ZAP70: variants seen among roughly 807,000 people sequenced by gnomAD.
The protein encoded by ZAP70 is zeta chain of T cell receptor associated protein kinase 70.
Under a neutral mutation model 65.8 loss-of-function variants are expected in ZAP70, and 27 were observed. That is an observed-to-expected ratio of 0.41 (90% CI 0.30 to 0.57). The LOEUF is 0.57. ZAP70 is among the 20% of genes least tolerant of loss of function. The pLI, the probability that ZAP70 is intolerant of heterozygous loss-of-function variation, is 0.28. For missense variants in ZAP70, 696 were observed against 870.5 expected (o/e 0.80, Z 2.52); for synonymous variants, 363 against 360.8 (o/e 1.01, Z -0.07).
chr2:97,732,739 C>T (rs1677660361), intron 4 of ZAP70, 144 bp from the exon 5 acceptor site: 2 of 1,203,408 alleles, frequency 1.7e-6, no homozygotes, highest in Non-Finnish European at 2.3e-6. Context: ...GTGATGGGGG[C>T]CTGGCCTGGC....
intron 5 of ZAP70, 36 bp from the exon 6 acceptor site, chr2:97,733,089 A>G (rs202083569): frequency 6.9e-5 from 112 of 1,613,730 alleles, no homozygotes; most frequent in Non-Finnish European, 9.1e-5. Flanking sequence ...TCTGGGGAGG[A>G]GAGGAGCCTC....
chr2:97,729,716 C>T (rs56293187), intron 4 of ZAP70, among the ~76,000 whole-genome samples: 22,371 of 151,340 alleles, frequency 0.15, 2,157 homozygotes, highest in African/African-American at 0.27. Flanking sequence ...ACTGCCACTA[C>T]CTAGCATTTT....
chr2:97,733,709 C>T, intron 8 of ZAP70, 114 bp downstream of exon 8: 5 of 1,376,188 alleles, frequency 3.6e-6, no homozygotes, highest in South Asian at 1.2e-5. Flanking sequence ...CAGGCTGTGG[C>T]AGTTGGCTTG....
chr2:97,722,504 G>GA (rs2104656597), intron 2 of ZAP70, among the ~76,000 whole-genome samples: 1 of 152,312 alleles, frequency 6.6e-6, no homozygotes, highest in South Asian at 2.1e-4. Context: ...GCCTTATGGA[G>GA]AAAACATGTC....
At chr2:97,722,999 G>A (rs60433076) in intron 2 of ZAP70, among the ~76,000 whole-genome samples, 5,223 of 152,192 alleles carry the variant, frequency 0.034, 299 homozygotes, top group African/African-American at 0.12. Flanking sequence ...CTTAGTTTTC[G>A]GAAAATCAGA....
chr2:97,734,692 G>T lies in ZAP70; in HGVS notation c.1062G>T (p.Gln354His). Residue 354 changes from glutamine to histidine, a missense_variant, in exon 9 of 14, where the codon CAG becomes CAT. Physicochemically the swap from Gln to His is conservative, Grantham distance 24. Coordinates refer to ENST00000264972, the MANE Select transcript of ZAP70 (RefSeq NM_001079.4). The stretch of plus-strand genomic sequence containing the variant: ...GCGGCAACTTTGGCTCAGTGCGCCA[G>T]GGCGTGTACCGCATGCGCAAGTATG... ...LGCGNFGSVR[Q>H]GVYRMRKKQI... 2 of 1,614,028 alleles carry T rather than the reference G, an allele frequency of 1.2e-6. No homozygotes were observed. The highest frequency in any genetic ancestry group is 1.7e-6 in the Non-Finnish European group (2 of 1,180,022).
chr2:97,755,185 G>A, the ZAP70 span, among the ~76,000 whole-genome samples: 25 of 152,280 alleles, frequency 1.6e-4, no homozygotes, highest in South Asian at 6.2e-4. Context: ...CAACCGATGC[G>A]TTGTGGCGTA....
chr2:97,723,881 C>A, intron 2 of ZAP70, 135 bp from the exon 3 acceptor site: 1 of 962,538 alleles, frequency 1.0e-6, no homozygotes, highest in Non-Finnish European at 1.5e-6. Flanking sequence ...TGGCACAGAG[C>A]AGGCTCTGCC....
In ZAP70 at chr2:97,724,030, A is replaced by G; in HGVS notation, c.-7A>G. On this transcript the variant is annotated 5_prime_UTR_variant, in exon 3 of 14. Coordinates refer to ENST00000264972, the MANE Select transcript of ZAP70 (RefSeq NM_001079.4). ...TGAACCCGCAGGTTTCGGGAGGCCC[A>G]GGGGCGATGCCAGACCCCGCGGCGC... is the stretch of plus-strand genomic sequence containing the variant. 1 of 1,547,890 alleles carries G rather than the reference A, an allele frequency of 6.5e-7. No homozygotes were observed. The highest frequency in any genetic ancestry group is 8.7e-7 in the Non-Finnish European group (1 of 1,153,258).
In ZAP70 at chr2:97,737,435, T is replaced by G. The variant is rs756841049; in HGVS notation, c.1290-38T>G. 1 of 1,611,146 alleles carries G rather than the reference T, an allele frequency of 6.2e-7. No homozygotes were observed. On this transcript the variant is annotated intron_variant, in intron 10 of 13. Transcript: ENST00000264972. This position sits in a 1 kb window ranked among gnomAD's most constrained non-coding sequence, Gnocchi z 5.0. ...GCTTTGCCCCTGGGAACTTGGCTAG[T>G]CTTCTCCCAGCTGACCCCGCCTTCC...
At position 97,737,368 on chromosome 2, in the gene ZAP70, A is replaced by T; in HGVS notation, c.1290-105A>T. On this transcript the variant is annotated intron_variant, in intron 10 of 13. Transcript: ENST00000264972. The surrounding 1 kb of genome is among the most constrained non-coding windows in gnomAD (Gnocchi z 5.0). ...AGGTGCTCAATAAGCGTTTTTGAAC[A>T]CATGGTCACCTGGCTCATGCCCAGC... 1 of 1,256,194 alleles carries T rather than the reference A, an allele frequency of 8.0e-7. No homozygotes were observed. Among genetic ancestry groups the T allele is most frequent in the Non-Finnish European group, 1.1e-6 (1 of 869,680 alleles). The allele number at this position is 1,256,194 out of a possible 1,614,324, so 77.8% of individuals were successfully genotyped here. A position where few individuals can be genotyped will look rare whatever the true frequency, so the allele number is the denominator to read the frequency against.
chr2:97,731,755 T>C lies in ZAP70; in HGVS notation c.564-1128T>C, dbSNP rs1248447864. On this transcript the variant is annotated intron_variant, in intron 4 of 13. Transcript: ENST00000264972. This position sits in a 1 kb window ranked among gnomAD's most constrained non-coding sequence, Gnocchi z 4.0. ...TGTCAGTAAAGACTTGTCCAGTGAA[T>C]GAACATCCACAGGCAGGGCCAGGCC... Among the ~76,000 whole-genome samples the C allele has an allele frequency of 6.6e-6, 1 of 152,218 alleles. No individual in the cohort carries two copies.
chr2:97,734,025 G>A (rs554204596), intron 8 of ZAP70: 1 of 289,088 alleles, frequency 3.5e-6, no homozygotes, highest in East Asian at 8.3e-5. Context: ...ACCCACGATG[G>A]GCCCCAGAGC....
At chr2:97,754,290 T>C in the ZAP70 span, among the ~76,000 whole-genome samples, 1 of 152,130 alleles carries the variant, frequency 6.6e-6, no homozygotes, top group African/African-American at 2.4e-5. Context: ...AATTAGAACT[T>C]AAAAAAGGAG....
intron 3 of ZAP70, 70 bp downstream of exon 3, chr2:97,724,508 G>C: frequency 6.6e-7 from 1 of 1,510,134 alleles, no homozygotes; most frequent in South Asian, 1.2e-5. Flanking sequence ...GGGTTTTGGG[G>C]GGATAGGAGG....
Position 97,723,320 on chromosome 2 carries a change from G to C in ZAP70, c.-21-696G>C, listed in dbSNP as rs578243075. Among the ~76,000 whole-genome samples, 89 of 152,376 alleles carry C rather than the reference G, an allele frequency of 5.8e-4. 1 individual carries two copies. Among genetic ancestry groups the C allele is most frequent in the African/African-American group, 2.1e-3 (86 of 41,592 alleles). On this transcript the variant is annotated intron_variant, in intron 2 of 13. Transcript: ENST00000264972. Reference sequence around the variant, plus strand: ...CTAAGGCCGAGGGGAAAGGGTCAGCGGAAGGGACAAGGGAGGCTGAGGGGT... The same window carrying C: ...CTAAGGCCGAGGGGAAAGGGTCAGCCGAAGGGACAAGGGAGGCTGAGGGGT...
At chr2:97,753,403 G>A in the ZAP70 span, among the ~76,000 whole-genome samples, 7 of 152,150 alleles carry the variant, frequency 4.6e-5, no homozygotes, top group South Asian at 2.1e-4. Context: ...TAGCTCATAA[G>A]CCAGACTCAT....
At chr2:97,727,386 G>A (rs934438240) in intron 4 of ZAP70, among the ~76,000 whole-genome samples, 12 of 152,264 alleles carry the variant, frequency 7.9e-5, no homozygotes, top group Admixed American at 6.5e-5. Context: ...GGCAGGGCCT[G>A]CCCTGCTGCA....
At chr2:97,753,981 C>T in the ZAP70 span, among the ~76,000 whole-genome samples, 1 of 152,118 alleles carries the variant, frequency 6.6e-6, no homozygotes. Context: ...CAGAGCAAGA[C>T]CCAGTCTCAA....
Sources: allele counts gnomAD v4.1 joint callset (sites outside exome capture counted in the v4.1 genomes callset), GRCh38; gene constraint gnomAD v4.1.1; non-coding constraint Gnocchi (gnomAD v3.1); transcripts MANE v1.5; gene names NCBI Gene and HGNC (gene_info 2026-07-23, HGNC 2026-07-21).